The following TDRD5 variants were observed in gnomAD, a reference collection of about 807,000 sequenced individuals.
TDRD5 encodes the protein tudor domain-containing protein 5.
A neutral mutation model predicts 120.6 loss-of-function variants in TDRD5; 41 were observed. The ratio of observed to expected loss-of-function variants is 0.34; its 90% CI spans 0.26 to 0.44. TDRD5 has a LOEUF of 0.44. Among genes scored for constraint, TDRD5 ranks in the 20% least tolerant of loss-of-function variants. TDRD5 has a pLI of 1.00. For synonymous variants in TDRD5, 430 were observed against 433.7 expected (o/e 0.99, Z 0.11); for missense variants, 1,006 against 1,221.2 (o/e 0.82, Z 2.63).
At chr1:179,645,931 T>G (rs1311969252) in intron 11 of TDRD5, among the ~76,000 whole-genome samples, 1 of 152,300 alleles carries the variant, frequency 6.6e-6, no homozygotes, top group South Asian at 2.1e-4. Context: ...TAAACTGTCA[T>G]TCTACTTTGA....
chr1:179,659,597 G>A (rs982273963), intron 14 of TDRD5, among the ~76,000 whole-genome samples: 1 of 148,820 alleles, frequency 6.7e-6, no homozygotes, highest in Non-Finnish European at 1.5e-5. Context: ...GTGTGCGCGC[G>A]CTTGCCTGGT....
In TDRD5 at chr1:179,648,767, G is replaced by A. The variant is rs1678548741; in HGVS notation, c.1801-2100G>A. On this transcript the variant is annotated intron_variant, in intron 11 of 17. Transcript: ENST00000444136. ...TGAGACGTGGACCAAGATTAAAAGAGTATTAAATACTAAAAAACAATAAAA... is the reference window on the plus strand; with the variant it reads ...TGAGACGTGGACCAAGATTAAAAGAATATTAAATACTAAAAAACAATAAAA... 2.8e-5 allele frequency among the ~76,000 whole-genome samples: 4 copies of A among 144,420 alleles called. No homozygotes were observed. The Admixed American group carries it at 2.9e-4, about 10-fold the overall frequency. 94.7% of individuals were successfully genotyped at this position (144,420 alleles called of 152,430 possible).
intron 4 of TDRD5, among the ~76,000 whole-genome samples, chr1:179,617,871 ACT>A (rs1676641177): frequency 6.6e-6 from 1 of 151,954 alleles, no homozygotes; most frequent in Non-Finnish European, 1.5e-5. Flanking sequence ...AAATCCTCAG[ACT>A]CTACTGTCTT....
chr1:179,655,527 G>A (rs1420670792), intron 14 of TDRD5, among the ~76,000 whole-genome samples: 1 of 151,930 alleles, frequency 6.6e-6, no homozygotes, highest in East Asian at 1.9e-4. Flanking sequence ...GTAGATTTGT[G>A]TAACCAACAC....
chr1:179,634,540 A>C lies in TDRD5; in HGVS notation c.1210A>C (p.Thr404Pro). ...NSLSTAAVKE[T>P]VWNCPSKKQK... ...ATTGTCTACTGCTGCTGTCAAAGAG[A>C]CTGTATGGAATTGCCCTTCAAAAAA... Residue 404 changes from threonine (T) to proline (P), a missense_variant, in exon 8 of 18, where the codon ACT becomes CCT. Coordinates refer to ENST00000444136, the MANE Select transcript of TDRD5 (RefSeq NM_001199085.3). 6.2e-7 allele frequency: 1 copy of C among 1,613,938 alleles called. No individual in the cohort carries two copies. Among genetic ancestry groups the C allele is most frequent in the Non-Finnish European group, 8.5e-7 (1 of 1,179,988 alleles).
At position 179,654,224 on chromosome 1, in the gene TDRD5, T is replaced by G. The variant is rs200702307; in HGVS notation, c.2184T>G (p.Ser728=). ...AGCAAGATATTAATGATGAAAAGTCTTTAAGTCATCTTAAATCTGAGTCAA... is the reference window on the plus strand; with the variant it reads ...AGCAAGATATTAATGATGAAAAGTCGTTAAGTCATCTTAAATCTGAGTCAA... ...RILQDINDEK[S]LSHLKSESKE... Residue 728 remains serine (S), a synonymous_variant, in exon 14 of 18, where the codon TCT becomes TCG. Transcript: ENST00000444136. The G allele has an allele frequency of 8.4e-4, 1,298 of 1,545,820 alleles. 1 individual carries two copies. The highest frequency in any genetic ancestry group is 1.1e-3 in the Non-Finnish European group (1,208 of 1,144,796).
chr1:179,614,067 G>A (rs926670686), intron 4 of TDRD5, among the ~76,000 whole-genome samples: 2 of 152,080 alleles, frequency 1.3e-5, no homozygotes, highest in African/African-American at 4.8e-5. Context: ...AAATTATCCA[G>A]GTGTCTGTTT....
At chr1:179,675,701 A>G (rs995345643) in intron 17 of TDRD5, among the ~76,000 whole-genome samples, 15 of 152,126 alleles carry the variant, frequency 9.9e-5, no homozygotes, top group African/African-American at 3.4e-4. Flanking sequence ...TTGATACCCA[A>G]TTTTATTCTA....
chr1:179,594,863 C>A (rs1347086056), intron 3 of TDRD5, among the ~76,000 whole-genome samples: 1 of 152,152 alleles, frequency 6.6e-6, no homozygotes, highest in African/African-American at 2.4e-5. Flanking sequence ...TCTTGAAGTC[C>A]TAAAACTTGG....
At position 179,634,629 on chromosome 1, in the gene TDRD5, G is replaced by T; in HGVS notation, c.1299G>T (p.Leu433=). ...KPNLVVKPLQ[L]QVETNKSELN... is the part of the protein sequence containing the mutation. ...ATCTGGTGGTAAAGCCTTTACAGCT[G>T]GTGAGTGAGGTTTAAAGACTGTGCA... is the stretch of plus-strand genomic sequence containing the variant. Residue 433 remains leucine (L), a splice_region_variant and synonymous_variant, in exon 8 of 18, where the codon CTG becomes CTT. Transcript: ENST00000444136. The T allele has an allele frequency of 1.9e-6, 3 of 1,606,760 alleles. No individual in the cohort carries two copies. The highest frequency in any genetic ancestry group is 2.5e-6 in the Non-Finnish European group (3 of 1,178,158).
At chr1:179,689,715 C>T (rs1024320025) in intron 17 of TDRD5, among the ~76,000 whole-genome samples, 2 of 152,206 alleles carry the variant, frequency 1.3e-5, no homozygotes, top group Admixed American at 6.5e-5. Flanking sequence ...TTCGAGCTTC[C>T]TGGCTACTTT....
At chr1:179,648,066 A>G (rs1678489829) in intron 11 of TDRD5, among the ~76,000 whole-genome samples, 1 of 151,818 alleles carries the variant, frequency 6.6e-6, no homozygotes, top group Non-Finnish European at 1.5e-5. Flanking sequence ...AGAACTAGAA[A>G]TACCATTTGA....
intron 16 of TDRD5, among the ~76,000 whole-genome samples, chr1:179,664,401 A>G (rs1572417517): frequency 6.6e-6 from 1 of 152,052 alleles, no homozygotes; most frequent in Non-Finnish European, 1.5e-5. Context: ...CTATCACTAC[A>G]GTCTATTTTA....
At chr1:179,597,546 G>A (rs934982943) in intron 4 of TDRD5, among the ~76,000 whole-genome samples, 2 of 151,744 alleles carry the variant, frequency 1.3e-5, no homozygotes, top group Admixed American at 6.6e-5. Context: ...TGGTCAGGCC[G>A]GTCTTGAACT....
chr1:179,651,012 A>G lies in TDRD5; in HGVS notation c.1946A>G (p.His649Arg). The G allele has an allele frequency of 1.2e-6, 2 of 1,614,178 alleles. 1 individual carries two copies. Among genetic ancestry groups the G allele is most frequent in the Non-Finnish European group, 1.7e-6 (2 of 1,180,030 alleles). Reference protein sequence around the residue: ...TSSNEDVYFHHVLRTEGHAIV... With the variant: ...TSSNEDVYFHRVLRTEGHAIV... ...TCAAACGAAGATGTCTATTTCCATC[A>G]TGTCTTGAGAACAGAGGGCCATGCT... The change falls in exon 12 of 18, where the codon CAT (histidine) becomes CGT (arginine). Residue 649 changes from histidine (H) to arginine (R), a missense_variant. By Grantham distance (29) the His-to-Arg change is conservative. Coordinates refer to ENST00000444136, the MANE Select transcript of TDRD5 (RefSeq NM_001199085.3).
At position 179,676,894 on chromosome 1, in the gene TDRD5, C is replaced by A. The variant is rs545734255; in HGVS notation, c.2860+7490C>A. 3.9e-5 allele frequency among the ~76,000 whole-genome samples: 6 copies of A among 152,322 alleles called. No homozygotes were observed. The East Asian group carries it at 9.6e-4, about 24-fold the overall frequency. On this transcript the variant is annotated intron_variant, in intron 17 of 17. Coordinates refer to ENST00000444136, the MANE Select transcript of TDRD5 (RefSeq NM_001199085.3). Reference sequence around the variant, plus strand: ...GCTGCTTGTATTTGGATATCTAGATCTCTAGCAAGACCAGGGAAGTTTTCC... The same window carrying A: ...GCTGCTTGTATTTGGATATCTAGATATCTAGCAAGACCAGGGAAGTTTTCC...
chr1:179,631,130 G>A (rs891129000), intron 7 of TDRD5, among the ~76,000 whole-genome samples: 2 of 152,164 alleles, frequency 1.3e-5, no homozygotes, highest in African/African-American at 4.8e-5. Context: ...AGTGGCTCAT[G>A]CCTATAATCC....
chr1:179,655,302 G>C (rs1269666105), intron 14 of TDRD5, among the ~76,000 whole-genome samples: 1 of 152,014 alleles, frequency 6.6e-6, no homozygotes, highest in Non-Finnish European at 1.5e-5. Context: ...TACTGATATA[G>C]TATATCAAAC....
chr1:179,690,508 A>T (rs1032544659), intron 17 of TDRD5, among the ~76,000 whole-genome samples, 188 bp from the exon 18 acceptor site: 1 of 152,180 alleles, frequency 6.6e-6, no homozygotes, highest in African/African-American at 2.4e-5. Flanking sequence ...TCAATTCATG[A>T]TTCCCCATTT....
Sources: gnomAD v4.1 joint callset for allele counts (sites outside exome capture counted in the v4.1 genomes callset) on GRCh38, gnomAD v4.1.1 for gene constraint, MANE v1.5 for transcripts, NCBI Gene and HGNC (gene_info 2026-07-23, HGNC 2026-07-21) for gene names.